The following CLASP2 variants were observed in gnomAD, a reference collection of about 807,000 sequenced individuals.
CLASP2 encodes the protein cytoplasmic linker associated protein 2.
Under a neutral mutation model 194.4 loss-of-function variants are expected in CLASP2, and 47 were observed. That is an observed-to-expected ratio of 0.24 (90% CI 0.19 to 0.31). The LOEUF is 0.31. CLASP2 is among the 10% of genes least tolerant of loss of function. The probability of loss-of-function intolerance (pLI) is 1.00; values close to 1 mark genes in which losing one functional copy is unlikely to be tolerated. For synonymous variants in CLASP2, 619 were observed against 633.5 expected (o/e 0.98, Z 0.34); for missense variants, 1,445 against 1,823.6 (o/e 0.79, Z 3.78).
intron 37 of CLASP2, chr3:33,504,683 G>A (rs1260184433): frequency 6.6e-6 from 1 of 152,252 alleles, no homozygotes; most frequent in East Asian, 1.9e-4. Flanking sequence ...GAAGGGTGAT[G>A]GGGGGATGGT....
chr3:33,603,171 A>G, intron 17 of CLASP2, 46 bp from the exon 18 acceptor site: 1 of 1,478,276 alleles, frequency 6.8e-7, no homozygotes, highest in South Asian at 1.4e-5. Context: ...TAAATCACTG[A>G]AAACATGAAA....
chr3:33,581,009 C>T (rs2065955074), intron 23 of CLASP2, among the ~76,000 whole-genome samples: 1 of 120,786 alleles, frequency 8.3e-6, no homozygotes, highest in African/African-American at 3.3e-5. Context: ...GAGCGAGACT[C>T]CGTCTCAAAA....
At chr3:33,628,554 T>C (rs1342466876) in intron 9 of CLASP2, among the ~76,000 whole-genome samples, 1 of 152,192 alleles carries the variant, frequency 6.6e-6, no homozygotes, top group Non-Finnish European at 1.5e-5. Flanking sequence ...TTCTAACTTT[T>C]GTAATTGATT....
chr3:33,577,059 G>GAA (rs11391504), intron 23 of CLASP2: 6,539 of 576,072 alleles, frequency 0.011, no homozygotes, highest in South Asian at 0.013. Flanking sequence ...TGGGAGAAAA[G>GAA]AAAAAAAAAG....
intron 6 of CLASP2, chr3:33,682,849 G>C (rs2154344033): frequency 6.6e-6 from 1 of 152,322 alleles, no homozygotes; most frequent in African/African-American, 2.4e-5. Flanking sequence ...TTAATGGTTA[G>C]TTCTTGAGTG....
chr3:33,659,073 C>T lies in CLASP2; in HGVS notation c.715+4372G>A, dbSNP rs370693433. ...AGCTCAGTGCCTGCGCCACTGGGCT[C>T]GGCCTGCAGCCTGCAGACACCCGGA... On this transcript the variant is annotated intron_variant, in intron 7 of 38. Transcript: ENST00000682230. 516 of 1,521,826 alleles carry T rather than the reference C, an allele frequency of 3.4e-4. 1 individual carries two copies. Among genetic ancestry groups the T allele is most frequent in the Admixed American group, 1.2e-3 (60 of 49,024 alleles). 94.3% of individuals were successfully genotyped at this position (1,521,826 alleles called of 1,614,324 possible).
intron 20 of CLASP2, among the ~76,000 whole-genome samples, chr3:33,593,438 A>G (rs914322364): frequency 6.6e-6 from 1 of 152,228 alleles, no homozygotes; most frequent in Non-Finnish European, 1.5e-5. Context: ...TGGCTAGCCC[A>G]ATATGACCAT....
chr3:33,611,861 T>TA lies in CLASP2; in HGVS notation c.1388+139dup, dbSNP rs1426185661. 12 of 624,958 alleles carry TA rather than the reference T, an allele frequency of 1.9e-5. No individual in the cohort carries two copies. In the East Asian group the frequency reaches 3.0e-4, roughly 16 times the overall value. 38.7% of individuals were successfully genotyped at this position (624,958 alleles called of 1,614,324 possible). A position where few individuals can be genotyped will look rare whatever the true frequency, so the allele number is the denominator to read the frequency against. ...CCTTTTCCCTTACATGAGATATGAT[T>TA]AAAAAAACAAAACAAAACACTTTTT... On this transcript the variant is annotated intron_variant, in intron 13 of 38. Coordinates refer to ENST00000682230, the MANE Select transcript of CLASP2 (RefSeq NM_001365631.1).
chr3:33,672,259 C>T (rs534128785), intron 6 of CLASP2, among the ~76,000 whole-genome samples: 15 of 152,178 alleles, frequency 9.9e-5, no homozygotes, highest in African/African-American at 1.7e-4. Flanking sequence ...TCCAGAGGAA[C>T]GAGCTGACAG....
chr3:33,681,738 A>C (rs975982859), intron 6 of CLASP2, among the ~76,000 whole-genome samples: 1 of 152,224 alleles, frequency 6.6e-6, no homozygotes, highest in Non-Finnish European at 1.5e-5. Flanking sequence ...TTAAAAGCAC[A>C]TACATACTAC....
intron 6 of CLASP2, among the ~76,000 whole-genome samples, chr3:33,665,315 T>G (rs996523114): frequency 2.6e-5 from 4 of 152,006 alleles, no homozygotes; most frequent in African/African-American, 9.7e-5. Context: ...TGTAAGCAGC[T>G]TTAGTGGAAG....
At chr3:33,596,315 G>A (rs182950830) in intron 19 of CLASP2, among the ~76,000 whole-genome samples, 16 of 152,120 alleles carry the variant, frequency 1.1e-4, no homozygotes, top group African/African-American at 3.1e-4. Context: ...ATGAACTTAC[G>A]AAATATGTCA....
chr3:33,600,140 T>C (rs1169803804), intron 18 of CLASP2, among the ~76,000 whole-genome samples: 2 of 152,080 alleles, frequency 1.3e-5, no homozygotes, highest in Non-Finnish European at 2.9e-5. Context: ...CAAGATTGTG[T>C]TTTCTGCAAA....
chr3:33,677,481 A>C (rs1308953641), intron 6 of CLASP2, among the ~76,000 whole-genome samples: 1 of 148,772 alleles, frequency 6.7e-6, no homozygotes, highest in Non-Finnish European at 1.5e-5. Context: ...GCGTATTCTC[A>C]CTCATAGATG....
rs1243603633 is a variant in CLASP2, at chr3:33,713,699, CCT to C, written c.195+4107_195+4108del. Among the ~76,000 whole-genome samples, 11 of 151,904 alleles carry C rather than the reference CCT, an allele frequency of 7.2e-5. No individual in the cohort carries two copies. The East Asian group carries it at 7.7e-4, about 11-fold the overall frequency. ...TTTTCACTTTTTTTTTTTTCTCTCCCCTGAGACAGGGTCTGGCTCTGTTGCCC... is the reference window on the plus strand; with the variant it reads ...TTTTCACTTTTTTTTTTTTCTCTCCCGAGACAGGGTCTGGCTCTGTTGCCC... On this transcript the variant is annotated intron_variant, in intron 1 of 38. Transcript: ENST00000682230.
At chr3:33,660,244 G>A (rs554231821) in intron 7 of CLASP2, among the ~76,000 whole-genome samples, 1 of 152,238 alleles carries the variant, frequency 6.6e-6, no homozygotes, top group East Asian at 1.9e-4. Flanking sequence ...AATCGCAGGG[G>A]GTCTCCAACT....
chr3:33,714,001 C>A (rs992000779), intron 1 of CLASP2, among the ~76,000 whole-genome samples: 4 of 152,148 alleles, frequency 2.6e-5, no homozygotes, highest in Admixed American at 6.5e-5. Flanking sequence ...GGCTCAAGCA[C>A]CTCCTTCACT....
At chr3:33,520,924 C>T (rs935344218) in intron 34 of CLASP2, among the ~76,000 whole-genome samples, 2 of 151,522 alleles carry the variant, frequency 1.3e-5, no homozygotes, top group Admixed American at 1.3e-4. Context: ...ACAGTGAGTA[C>T]ATCTAGAGTC....
Position 33,592,467 on chromosome 3 carries a change from G to A in CLASP2, c.1996C>T (p.Leu666Phe). The A allele has an allele frequency of 2.5e-6, 4 of 1,613,690 alleles. No homozygotes were observed. Among genetic ancestry groups the A allele is most frequent in the African/African-American group, 2.7e-5 (2 of 75,050 alleles). Residue 666 changes from leucine to phenylalanine, a missense_variant, in exon 21 of 39, where the codon CTT (leucine) becomes TTT (phenylalanine). Coordinates refer to ENST00000682230, the MANE Select transcript of CLASP2 (RefSeq NM_001365631.1). Reference protein sequence around the residue: ...GRVRAKLSAPLAGMGNAKADS... With the variant: ...GRVRAKLSAPFAGMGNAKADS... ...GCCTTGGCATTTCCCATGCCAGCAA[G>A]TGGTGCTGAAAGTTTTGCTCTCACC...
Sources: gnomAD v4.1 joint callset for allele counts (sites outside exome capture counted in the v4.1 genomes callset) on GRCh38, gnomAD v4.1.1 for gene constraint, MANE v1.5 for transcripts, NCBI Gene and HGNC (gene_info 2026-07-23, HGNC 2026-07-21) for gene names.